The following VASH1 variants were observed in gnomAD, a reference collection of about 807,000 sequenced individuals.
The protein encoded by VASH1 is tubulinyl-Tyr carboxypeptidase 1.
VASH1 carries 16 observed loss-of-function variants against 35.0 expected under a neutral mutation model. The ratio of observed to expected loss-of-function variants is 0.46; its 90% confidence interval spans 0.31 to 0.70. VASH1 has a LOEUF of 0.70. Ranked by LOEUF, VASH1 falls within the 30% of genes least tolerant of loss-of-function variation. The probability of loss-of-function intolerance (pLI) is 0.05; values close to 1 mark genes in which losing one functional copy is unlikely to be tolerated. For synonymous variants in VASH1, 214 were observed against 200.9 expected (o/e 1.07, Z -0.55); for missense variants, 505 against 510.7 (o/e 0.99, Z 0.11).
chr14:76,775,839 G>A (rs995885528), intron 4 of VASH1, 53 bp from the exon 5 acceptor site: 3 of 1,495,606 alleles, frequency 2.0e-6, no homozygotes, highest in Non-Finnish European at 2.7e-6. Context: ...GTCCCTCCCG[G>A]TGTGCTGGCC....
At chr14:76,776,296 C>T (rs1413698863) in intron 5 of VASH1, 23 bp downstream of exon 5, 3 of 1,468,606 alleles carry the variant, frequency 2.0e-6, no homozygotes, top group African/African-American at 2.7e-5. Flanking sequence ...TCCACGCCCT[C>T]GCCCCCTCCC....
chr14:76,777,345 T>C (rs949824779), intron 5 of VASH1, among the ~76,000 whole-genome samples: 1 of 152,226 alleles, frequency 6.6e-6, no homozygotes, highest in Non-Finnish European at 1.5e-5. Context: ...TATTGTGTCT[T>C]TAAGGCATCA....
chr14:76,779,812 C>T lies in VASH1; in HGVS notation c.*794C>T, dbSNP rs1894054254. The T allele has an allele frequency of 2.2e-6, 1 of 457,920 alleles. No individual in the cohort carries two copies. 28.4% of individuals were successfully genotyped at this position (457,920 alleles called of 1,614,324 possible). ...CTCCCTGCGGAGGGTCTGGGCTTGG[C>T]GGAGGACCCAGAATGGCACTGAGGC... On this transcript the variant is annotated 3_prime_UTR_variant, in exon 7 of 7. Transcript: ENST00000167106.
chr14:76,764,023 A>G (rs956970491), intron 1 of VASH1, among the ~76,000 whole-genome samples: 5 of 149,946 alleles, frequency 3.3e-5, no homozygotes, highest in African/African-American at 1.2e-4. Context: ...AAAAAAAAAC[A>G]TGATCAAGAC....
intron 4 of VASH1, chr14:76,774,793 T>G (rs919027873): frequency 7.2e-5 from 11 of 152,296 alleles, no homozygotes; most frequent in African/African-American, 2.4e-4. Flanking sequence ...GACCGTGGCA[T>G]AATGTCTCAA....
At chr14:76,773,323 A>C (rs1172155579) in intron 4 of VASH1, 112 bp downstream of exon 4, 1 of 1,088,336 alleles carries the variant, frequency 9.2e-7, no homozygotes, top group Non-Finnish European at 1.4e-6. Flanking sequence ...TCCCATATGC[A>C]GTCATCTGCT....
rs770486227 is a variant in VASH1, at chr14:76,778,930, T to A, written c.1026-16T>A. Reference sequence around the variant, plus strand: ...ACCACTCACTCTCCTCCCGCTCTGCTCTCTTCCTCCCACAGGCCCTCGGGT... The same window carrying A: ...ACCACTCACTCTCCTCCCGCTCTGCACTCTTCCTCCCACAGGCCCTCGGGT... On this transcript the variant is annotated splice_polypyrimidine_tract_variant and intron_variant, in intron 6 of 6. Coordinates refer to ENST00000167106, the MANE Select transcript of VASH1 (RefSeq NM_014909.5). 1 of 1,613,886 alleles carries A rather than the reference T, an allele frequency of 6.2e-7. No individual in the cohort carries two copies. Among genetic ancestry groups the A allele is most frequent in the Admixed American group, 1.7e-5 (1 of 60,024 alleles).
intron 1 of VASH1, among the ~76,000 whole-genome samples, chr14:76,766,454 T>C (rs775553884): frequency 3.9e-5 from 6 of 152,220 alleles, no homozygotes; most frequent in Non-Finnish European, 8.8e-5. Context: ...CTTTGATTTA[T>C]TTATGAGACA....
chr14:76,774,120 C>T (rs1191605738), intron 4 of VASH1, among the ~76,000 whole-genome samples: 1 of 152,130 alleles, frequency 6.6e-6, no homozygotes, highest in Non-Finnish European at 1.5e-5. Context: ...TCTGATGGAA[C>T]AGGAGTCCCA....
At chr14:76,772,155 G>A (rs1026935736) in intron 3 of VASH1, among the ~76,000 whole-genome samples, 9 of 152,252 alleles carry the variant, frequency 5.9e-5, no homozygotes, top group Non-Finnish European at 1.2e-4. Flanking sequence ...CAGGAGAATC[G>A]TTTGAACCTG....
In VASH1 at chr14:76,762,735, A is replaced by G. The variant is rs955977318; in HGVS notation, c.-87A>G. 70 of 1,254,716 alleles carry G rather than the reference A, an allele frequency of 5.6e-5. No individual in the cohort carries two copies. The highest frequency in any genetic ancestry group is 7.0e-5 in the Non-Finnish European group (66 of 939,926). 77.7% of individuals were successfully genotyped at this position (1,254,716 alleles called of 1,614,324 possible). On this transcript the variant is annotated 5_prime_UTR_variant, in exon 1 of 7. An upstream start codon of the reference 5' UTR is lost. Transcript: ENST00000167106. The stretch of plus-strand genomic sequence containing the variant: ...CTTAAAGGCGCCTTGCACTCTGGCC[A>G]TGTGTTATCTCTGCAGCCGGTGTGT...
chr14:76,763,127 C>G lies in VASH1; in HGVS notation c.306C>G (p.Pro102=). 1 of 1,467,220 alleles carries G rather than the reference C, an allele frequency of 6.8e-7. No homozygotes were observed. Among genetic ancestry groups the G allele is most frequent in the South Asian group, 1.5e-5 (1 of 68,372 alleles). 90.9% of individuals were successfully genotyped at this position (1,467,220 alleles called of 1,614,324 possible). The change falls in exon 1 of 7, where the codon CCC becomes CCG. Residue 102 remains proline (P), a synonymous_variant. Coordinates refer to ENST00000167106, the MANE Select transcript of VASH1 (RefSeq NM_014909.5). ...AQRIRGATDL[P]KIPIPSVPTF... The stretch of plus-strand genomic sequence containing the variant: ...GGATCCGTGGGGCCACAGACCTGCC[C>G]AAGGTGAGACACACGGGTCAGGGGG...
intron 3 of VASH1, among the ~76,000 whole-genome samples, chr14:76,771,991 C>G (rs1893806436): frequency 6.6e-6 from 1 of 152,226 alleles, no homozygotes. Context: ...CCTGTAATCC[C>G]AGCACTTTGG....
Position 76,780,349 on chromosome 14 carries a change from G to A in VASH1, c.*1331G>A, listed in dbSNP as rs191820213. ...GGAGTAATGGGTTACCTACAGCAGA[G>A]ACGAGATGGCTGTTTGTCAGGAGGC... is the stretch of plus-strand genomic sequence containing the variant. On this transcript the variant is annotated 3_prime_UTR_variant, in exon 7 of 7. Transcript: ENST00000167106. The A allele has an allele frequency of 5.2e-5, 8 of 152,550 alleles. No individual in the cohort carries two copies. Among genetic ancestry groups the A allele is most frequent in the African/African-American group, 1.9e-4 (8 of 41,582 alleles). 9.4% of individuals were successfully genotyped at this position (152,550 alleles called of 1,614,324 possible).
rs757858551 is a variant in VASH1, at chr14:76,777,998, C to T, written c.952C>T (p.Arg318Trp). ...GGGCCCTCCCTCTCCCACCAAGGAC[C>T]GGAAGAAGGATGTTTCTTCCCCGCA... ...GTGPPSPTKD[R>W]KKDVSSPQRA... The change falls in exon 6 of 7, where the codon CGG becomes TGG. Residue 318 changes from arginine (R) to tryptophan (W), a missense_variant. Physicochemically the swap from Arg to Trp is moderately radical, Grantham distance 101. Transcript: ENST00000167106. 2.6e-6 allele frequency: 4 copies of T among 1,547,770 alleles called. No individual in the cohort carries two copies. Among genetic ancestry groups the T allele is most frequent in the Middle Eastern group, 1.7e-4 (1 of 5,956 alleles).
intron 1 of VASH1, chr14:76,769,610 C>T: frequency 5.3e-6 from 3 of 570,464 alleles, no homozygotes; most frequent in Non-Finnish European, 8.1e-6. Flanking sequence ...CCTAAAATAA[C>T]CCCAATATTA....
intron 1 of VASH1, among the ~76,000 whole-genome samples, chr14:76,764,489 G>A (rs929568510): frequency 6.6e-6 from 1 of 152,130 alleles, no homozygotes; most frequent in East Asian, 1.9e-4. Context: ...TTCTGAAAGC[G>A]AAAGTATTGC....
chr14:76,772,395 A>G (rs1159772151), intron 3 of VASH1, among the ~76,000 whole-genome samples: 2 of 152,096 alleles, frequency 1.3e-5, no homozygotes, highest in African/African-American at 4.8e-5. Flanking sequence ...GATGGAGTCC[A>G]CCCTCCCTAT....
chr14:76,779,647 C>T lies in VASH1; in HGVS notation c.*629C>T, dbSNP rs1401887204. The T allele has an allele frequency of 3.3e-6, 2 of 608,654 alleles. No individual in the cohort carries two copies. The highest frequency in any genetic ancestry group is 5.9e-6 in the Non-Finnish European group (2 of 341,576). 37.7% of individuals were successfully genotyped at this position (608,654 alleles called of 1,614,324 possible). ...AGGAGAGCCTTCAGGCCCTTGAGGC[C>T]CCCATGGGCAGTGCTGTGTGGGCAG... On this transcript the variant is annotated 3_prime_UTR_variant, in exon 7 of 7. Coordinates refer to ENST00000167106, the MANE Select transcript of VASH1 (RefSeq NM_014909.5).
Sources: gnomAD v4.1 joint callset for allele counts (sites outside exome capture counted in the v4.1 genomes callset) on GRCh38, gnomAD v4.1.1 for gene constraint, MANE v1.5 for transcripts, NCBI Gene and HGNC (gene_info 2026-07-23, HGNC 2026-07-21) for gene names.